Variants in PCM1 observed in about 807,000 individuals in gnomAD.
PCM1 encodes pericentriolar material 1 protein.
Under a neutral mutation model 241.9 loss-of-function variants are expected in PCM1, and 157 were observed. The observed-to-expected ratio is 0.65, with a 90% CI of 0.57 to 0.74. PCM1 has a LOEUF of 0.74. PCM1 is among the 30% of genes least tolerant of loss of function. PCM1 has a pLI of 0.00. For synonymous variants in PCM1, 1,085 were observed against 784.9 expected, an observed-to-expected ratio of 1.38 and a Z score of -6.39; for missense variants, 3,478 against 2,360.1, an observed-to-expected ratio of 1.47 and a Z score of -9.81.
chr8:17,965,271 T>G (rs2074395558), intron 18 of PCM1, among the ~76,000 whole-genome samples: 1 of 152,074 alleles, frequency 6.6e-6, no homozygotes, highest in Admixed American at 6.6e-5. Flanking sequence ...CTGTTTACGG[T>G]TTTTTAGGAG....
At chr8:17,969,883 T>G in intron 22 of PCM1, 135 bp downstream of exon 22, 1 of 666,750 alleles carries the variant, frequency 1.5e-6, no homozygotes, top group Non-Finnish European at 2.6e-6. Context: ...ATATGAAACT[T>G]TGACGTATCA....
Position 18,027,742 on chromosome 8 carries a change from C to A in PCM1, c.*80C>A. On this transcript the variant is annotated 3_prime_UTR_variant, in exon 39 of 39. Transcript: ENST00000325083. ...AAACAATACTAAATAAACATCTGATCTGTATAAAAATGTAAATTAGTTTGA... is the reference window on the plus strand; with the variant it reads ...AAACAATACTAAATAAACATCTGATATGTATAAAAATGTAAATTAGTTTGA... The A allele has an allele frequency of 2.9e-6, 3 of 1,033,266 alleles. No homozygotes were observed. The highest frequency in any genetic ancestry group is 4.3e-6 in the Non-Finnish European group (3 of 699,448). The allele number at this position is 1,033,266 out of a possible 1,614,324, so 64.0% of individuals were successfully genotyped here. A position where few individuals can be genotyped will look rare whatever the true frequency, so the allele number is the denominator to read the frequency against.
intron 6 of PCM1, among the ~76,000 whole-genome samples, chr8:17,944,823 T>C (rs1372379385): frequency 6.6e-6 from 1 of 152,054 alleles, no homozygotes; most frequent in African/African-American, 2.4e-5. Context: ...AGTAGTAATA[T>C]TTCACTAATT....
chr8:17,962,883 A>G (rs1343834685), intron 16 of PCM1: 3 of 405,922 alleles, frequency 7.4e-6, no homozygotes, highest in African/African-American at 4.2e-5. Context: ...AGCCCAGATG[A>G]CAGAGTGAGA....
Position 17,962,473 on chromosome 8 carries a change from A to G in PCM1, c.2463+299A>G, listed in dbSNP as rs114526772. 0.013 allele frequency among the ~76,000 whole-genome samples: 1,912 copies of G among 152,296 alleles called. 40 individuals carry two copies. Among genetic ancestry groups the G allele is most frequent in the African/African-American group, 0.044 (1,825 of 41,562 alleles). On this transcript the variant is annotated intron_variant, in intron 16 of 38. Transcript: ENST00000325083. ...GTTAGTAAATATTTGGCAGAAATATATAGGGGGGTAGTTGCAGCAAATAGT... is the reference window on the plus strand; with the variant it reads ...GTTAGTAAATATTTGGCAGAAATATGTAGGGGGGTAGTTGCAGCAAATAGT...
At chr8:18,012,356 C>G (rs1000466173) in intron 34 of PCM1, among the ~76,000 whole-genome samples, 1 of 152,198 alleles carries the variant, frequency 6.6e-6, no homozygotes, top group East Asian at 1.9e-4. Flanking sequence ...GTTCAAACAA[C>G]CCTTATTTGA....
At chr8:18,016,112 TCTC>T (rs925931587) in intron 36 of PCM1, among the ~76,000 whole-genome samples, 15 of 152,146 alleles carry the variant, frequency 9.9e-5, no homozygotes, top group African/African-American at 3.6e-4. Context: ...ATGATCTCGA[TCTC>T]CTGACATTGT....
At chr8:18,022,627 A>G (rs547369721) in intron 36 of PCM1, among the ~76,000 whole-genome samples, 1 of 152,310 alleles carries the variant, frequency 6.6e-6, no homozygotes, top group East Asian at 1.9e-4. Context: ...TATTGATTTT[A>G]TTGCTGGTAA....
chr8:17,928,779 G>C lies in PCM1; in HGVS notation c.-23+3999G>C, dbSNP rs563669955. On this transcript the variant is annotated intron_variant, in intron 2 of 38. Transcript: ENST00000325083. ...CTCTTGTAGCTGGGATTACAGGCAT[G>C]TGCCACCATACCTGGCTAATTTTTG... is the stretch of plus-strand genomic sequence containing the variant. 6.2e-4 allele frequency among the ~76,000 whole-genome samples: 94 copies of C among 151,970 alleles called. 1 individual carries two copies. The highest frequency in any genetic ancestry group is 2.1e-3 in the African/African-American group (89 of 41,454).
chr8:17,928,157 T>C lies in PCM1; in HGVS notation c.-23+3377T>C, dbSNP rs114706401. Among the ~76,000 whole-genome samples, 1,128 of 152,340 alleles carry C rather than the reference T, an allele frequency of 7.4e-3. 10 individuals are homozygous for C. The highest frequency in any genetic ancestry group is 0.026 in the African/African-American group (1,083 of 41,562). On this transcript the variant is annotated intron_variant, in intron 2 of 38. Transcript: ENST00000325083. ...TTCAACTTTCTTATCTTACTGTCTTTCTGTTTAACTTGCATGGCAAAATTT... is the reference window on the plus strand; with the variant it reads ...TTCAACTTTCTTATCTTACTGTCTTCCTGTTTAACTTGCATGGCAAAATTT...
intron 17 of PCM1, among the ~76,000 whole-genome samples, chr8:17,963,719 C>A (rs117010155): frequency 6.6e-6 from 1 of 152,028 alleles, no homozygotes; most frequent in South Asian, 2.1e-4. Flanking sequence ...TTTAGGATTT[C>A]AGTTTAAAAT....
intron 6 of PCM1, among the ~76,000 whole-genome samples, chr8:17,941,781 C>G (rs571007076): frequency 4.6e-5 from 7 of 152,208 alleles, no homozygotes; most frequent in African/African-American, 1.7e-4. Flanking sequence ...CTCAGAATGA[C>G]AGGGAACTGA....
intron 13 of PCM1, among the ~76,000 whole-genome samples, chr8:17,958,688 G>A (rs2069995702): frequency 6.6e-6 from 1 of 151,602 alleles, no homozygotes; most frequent in African/African-American, 2.4e-5. Context: ...TAAAAGGTGA[G>A]CGTGCTCTCT....
chr8:17,936,837 AAAAT>A (rs1204765768), intron 3 of PCM1, among the ~76,000 whole-genome samples: 1 of 152,174 alleles, frequency 6.6e-6, no homozygotes, highest in African/African-American at 2.4e-5. Context: ...ACAATGTAAA[AAAAT>A]CCTCTTGGAA....
rs553360854 is a variant in PCM1 at position 18,027,959 on chromosome 8, G to GACTT, written c.*299_*302dup. On this transcript the variant is annotated 3_prime_UTR_variant, in exon 39 of 39. Coordinates refer to ENST00000325083, the MANE Select transcript of PCM1 (RefSeq NM_006197.4). ...AAAATGTAGTTTTAAATAAAGTTTG[G>GACTT]ACTTATCTATAAAGTATCTTTTTTG... 54 of 316,700 alleles carry GACTT rather than the reference G, an allele frequency of 1.7e-4. 1 individual carries two copies. In the South Asian group the frequency reaches 4.1e-3, roughly 24 times the overall value. The allele number at this position is 316,700 out of a possible 1,614,324, so 19.6% of individuals were successfully genotyped here.
rs755943363 is a variant in PCM1 at position 17,935,622 on chromosome 8, A to G, written c.12A>G (p.Gly4=). Residue 4 remains glycine, a synonymous_variant, in exon 3 of 39, where the codon GGA becomes GGG. Transcript: ENST00000325083. ...TTGTTAAATCCAGTATGGCCACAGG[A>G]GGAGGTCCCTTTGAAGATGGCATGA... MAT[G]GGPFEDGMND... is the part of the protein sequence containing the mutation. The G allele has an allele frequency of 6.6e-7, 1 of 1,505,028 alleles. No homozygotes were observed. Among genetic ancestry groups the G allele is most frequent in the Non-Finnish European group, 9.2e-7 (1 of 1,081,098 alleles). The allele number at this position is 1,505,028 out of a possible 1,614,324, so 93.2% of individuals were successfully genotyped here. A position where few individuals can be genotyped will look rare whatever the true frequency, so the allele number is the denominator to read the frequency against.
Position 18,025,344 on chromosome 8 carries a change from T to C in PCM1, c.5842-17T>C. On this transcript the variant is annotated splice_polypyrimidine_tract_variant and intron_variant, in intron 36 of 38. Transcript: ENST00000325083. Reference sequence around the variant, plus strand: ...TTGGATCTAGAGTATGTATTTTTTTTTTTCATTACATTACAGGAAGCAGAA... The same window carrying C: ...TTGGATCTAGAGTATGTATTTTTTTCTTTCATTACATTACAGGAAGCAGAA... 2 of 1,388,728 alleles carry C rather than the reference T, an allele frequency of 1.4e-6. No homozygotes were observed. Among genetic ancestry groups the C allele is most frequent in the Non-Finnish European group, 2.0e-6 (2 of 988,072 alleles). 86.0% of individuals were successfully genotyped at this position (1,388,728 alleles called of 1,614,324 possible).
intron 6 of PCM1, 73 bp downstream of exon 6, chr8:17,939,934 A>T (rs1586027167): frequency 9.0e-7 from 1 of 1,110,728 alleles, no homozygotes; most frequent in East Asian, 2.6e-5. Flanking sequence ...TGACATTCTG[A>T]TGCCACCCCA....
intron 13 of PCM1, among the ~76,000 whole-genome samples, chr8:17,959,373 C>T (rs1326306532): frequency 6.6e-6 from 1 of 151,908 alleles, no homozygotes; most frequent in Non-Finnish European, 1.5e-5. Context: ...GTACAGTTTT[C>T]AGTATATCGA....
Sources: gnomAD v4.1 joint callset for allele counts (sites outside exome capture counted in the v4.1 genomes callset) on GRCh38, gnomAD v4.1.1 for gene constraint, MANE v1.5 for transcripts, NCBI Gene and HGNC (gene_info 2026-07-23, HGNC 2026-07-21) for gene names.